Variants in MYO9A observed in about 807,000 individuals in gnomAD.
MYO9A encodes unconventional myosin-IXa.
In MYO9A, 103 loss-of-function variants were observed where a neutral mutation model predicts 293.3. The observed-to-expected ratio is 0.35, with a 90% confidence interval of 0.30 to 0.41. The LOEUF (loss-of-function observed/expected upper bound fraction) is 0.41. Ranked by LOEUF, MYO9A falls within the 10% of genes least tolerant of loss-of-function variation. MYO9A has a pLI of 1.00. For synonymous variants in MYO9A, 1,001 were observed against 1,035.7 expected (o/e 0.97, Z 0.64); for missense variants, 2,685 against 3,033.0 (o/e 0.89, Z 2.69).
At chr15:72,089,609 G>A (rs1250491716) in intron 1 of MYO9A, among the ~76,000 whole-genome samples, 4 of 152,000 alleles carry the variant, frequency 2.6e-5, no homozygotes, top group African/African-American at 7.2e-5. Flanking sequence ...GTGAGACTTC[G>A]TCTCTACAAA....
chr15:71,861,744 T>C (rs977398254), intron 33 of MYO9A, among the ~76,000 whole-genome samples: 1 of 147,192 alleles, frequency 6.8e-6, no homozygotes, highest in African/African-American at 2.5e-5. Context: ...TTTAGAGGTG[T>C]AGACTGAAAA....
intron 32 of MYO9A, among the ~76,000 whole-genome samples, chr15:71,871,238 T>G (rs1039332034): frequency 6.0e-5 from 9 of 151,224 alleles, no homozygotes; most frequent in African/African-American, 2.2e-4. Flanking sequence ...TAGCTAGGCA[T>G]GATAGGTGTG....
At chr15:72,053,314 G>A (rs2078625199) in intron 1 of MYO9A, among the ~76,000 whole-genome samples, 2 of 152,068 alleles carry the variant, frequency 1.3e-5, no homozygotes, top group African/African-American at 4.8e-5. Flanking sequence ...ACTGAGGCAG[G>A]AGAATCGCTT....
chr15:71,980,885 GC>G (rs1193555034), intron 11 of MYO9A, among the ~76,000 whole-genome samples: 1 of 152,174 alleles, frequency 6.6e-6, no homozygotes, highest in East Asian at 1.9e-4. Context: ...AAACATTATT[GC>G]CTTGTTCTTA....
At chr15:71,942,422 C>T (rs556493096) in intron 15 of MYO9A, among the ~76,000 whole-genome samples, 10 of 152,088 alleles carry the variant, frequency 6.6e-5, no homozygotes, top group Middle Eastern at 3.4e-3. Flanking sequence ...TTTTGCTCAT[C>T]TTCCTTAATC....
chr15:72,095,268 A>G (rs2080032917), intron 1 of MYO9A, among the ~76,000 whole-genome samples: 1 of 93,160 alleles, frequency 1.1e-5, no homozygotes, highest in African/African-American at 2.6e-5. Context: ...CAAATAAGAT[A>G]GCAAAACCAC....
intron 14 of MYO9A, among the ~76,000 whole-genome samples, chr15:71,955,659 AT>A (rs1420294484): frequency 2.0e-5 from 3 of 152,182 alleles, no homozygotes; most frequent in Non-Finnish European, 4.4e-5. Context: ...ATTCTTTTTT[AT>A]ATGTTTGTAA....
At chr15:71,911,158 T>G (rs2057839081) in intron 19 of MYO9A, among the ~76,000 whole-genome samples, 1 of 152,186 alleles carries the variant, frequency 6.6e-6, no homozygotes, top group Non-Finnish European at 1.5e-5. Flanking sequence ...AAATACATTC[T>G]TTTTTAGATG....
intron 1 of MYO9A, among the ~76,000 whole-genome samples, chr15:72,104,587 G>GA (rs2150998081): frequency 6.6e-6 from 1 of 152,280 alleles, no homozygotes; most frequent in South Asian, 2.1e-4. Context: ...ATCAATAAAT[G>GA]AAACAACTTC....
chr15:71,913,328 G>GT (rs1189138869), intron 19 of MYO9A, among the ~76,000 whole-genome samples: 3 of 152,000 alleles, frequency 2.0e-5, no homozygotes, highest in Non-Finnish European at 1.5e-5. Flanking sequence ...CATATCTTCA[G>GT]TTTTTTCATT....
At chr15:71,924,233 A>ATTT (rs2058230605) in intron 18 of MYO9A, among the ~76,000 whole-genome samples, 1 of 151,654 alleles carries the variant, frequency 6.6e-6, no homozygotes, top group Admixed American at 6.6e-5. Context: ...TATTATTATT[A>ATTT]TTATTATCAT....
intron 15 of MYO9A, among the ~76,000 whole-genome samples, chr15:71,948,795 T>C (rs1180788641): frequency 6.6e-6 from 1 of 152,234 alleles, no homozygotes; most frequent in Non-Finnish European, 1.5e-5. Context: ...TTTTGAAGGA[T>C]ACTTTTGCTA....
At chr15:72,042,845 T>A (rs2078266759) in intron 2 of MYO9A, among the ~76,000 whole-genome samples, 1 of 151,932 alleles carries the variant, frequency 6.6e-6, no homozygotes, top group East Asian at 1.9e-4. Flanking sequence ...GAGAATCACT[T>A]GAGCTCAGGA....
At chr15:72,048,867 T>C (rs2078471680) in intron 1 of MYO9A, among the ~76,000 whole-genome samples, 1 of 152,210 alleles carries the variant, frequency 6.6e-6, no homozygotes, top group Non-Finnish European at 1.5e-5. Context: ...CTTTTAAAAA[T>C]TACAACTATA....
At chr15:71,989,757 A>T (rs1193071455) in intron 11 of MYO9A, among the ~76,000 whole-genome samples, 1 of 152,178 alleles carries the variant, frequency 6.6e-6, no homozygotes, top group Admixed American at 6.5e-5. Context: ...CAGGAGTGGT[A>T]GTTCCTGACT....
intron 3 of MYO9A, 22 bp downstream of exon 3, chr15:72,032,472 C>T (rs767244762): frequency 1.4e-6 from 2 of 1,461,306 alleles, no homozygotes; most frequent in Non-Finnish European, 1.9e-6. Flanking sequence ...AAAGCCTACG[C>T]CTGCTAAGTA....
Position 72,007,957 on chromosome 15 carries a change from G to A in MYO9A, c.1254-5C>T, listed in dbSNP as rs1273824922. ...GCTGAGAGAAGAGAGAAAATCCTGG[G>A]AAAATAAAACACAAATTATAGCTTA... On this transcript the variant is annotated splice_region_variant and splice_polypyrimidine_tract_variant and intron_variant, in intron 7 of 41. Coordinates refer to ENST00000356056, the MANE Select transcript of MYO9A (RefSeq NM_006901.4). The A allele has an allele frequency of 1.2e-6, 2 of 1,605,558 alleles. No homozygotes were observed. Among genetic ancestry groups the A allele is most frequent in the East Asian group, 2.2e-5 (1 of 44,640 alleles).
intron 34 of MYO9A, among the ~76,000 whole-genome samples, chr15:71,854,772 AAAT>A (rs2055797967): frequency 6.6e-6 from 1 of 152,244 alleles, no homozygotes; most frequent in Admixed American, 6.5e-5. Flanking sequence ...CTCCAAAAGA[AAAT>A]AATGGAGTGA....
chr15:71,854,528 C>A lies in MYO9A; in HGVS notation c.6195G>T (p.Leu2065=). The change falls in exon 35 of 42, where the codon CTG becomes CTT. Residue 2065 remains leucine (L), a synonymous_variant. Transcript: ENST00000356056. ...TTCGGTCTTCACTGGTCAAACGGGA[C>A]AGTTCAACCCCAAATTGTCGAGATG... is the stretch of plus-strand genomic sequence containing the variant. ...ELSSRQFGVE[L]SRLTSEDRTV... 6.2e-7 allele frequency: 1 copy of A among 1,607,304 alleles called. No individual in the cohort carries two copies. Among genetic ancestry groups the A allele is most frequent in the Non-Finnish European group, 8.5e-7 (1 of 1,177,648 alleles).
Sources: allele counts gnomAD v4.1 joint callset (sites outside exome capture counted in the v4.1 genomes callset), GRCh38; gene constraint gnomAD v4.1.1; transcripts MANE v1.5; gene names NCBI Gene and HGNC (gene_info 2026-07-23, HGNC 2026-07-21).